Variants in ADK observed in about 807,000 individuals in gnomAD.
ADK encodes N6,N6-dimethyladenosine kinase.
ADK carries 24 observed loss-of-function variants against 44.7 expected under a neutral mutation model. The ratio of observed to expected loss-of-function variants is 0.54; its 90% CI spans 0.39 to 0.76. The LOEUF is 0.76. ADK is among the 30% of genes least tolerant of loss of function. The pLI is 0.00. For missense variants in ADK, 321 were observed against 425.1 expected (o/e 0.76, Z 2.15); for synonymous variants, 128 against 142.6 (o/e 0.90, Z 0.73).
At chr10:74,526,277 C>G (rs530840554) in intron 7 of ADK, among the ~76,000 whole-genome samples, 28 of 151,864 alleles carry the variant, frequency 1.8e-4, no homozygotes, top group African/African-American at 6.8e-4. Flanking sequence ...TTCTTTCTAC[C>G]AAGAATGTAT....
intron 9 of ADK, among the ~76,000 whole-genome samples, chr10:74,634,510 G>T (rs960331442): frequency 2.0e-4 from 30 of 152,236 alleles, no homozygotes; most frequent in Non-Finnish European, 3.8e-4. Context: ...ACCATGCCCG[G>T]CTGGCATTTT....
At chr10:74,649,212 C>CA (rs1453564129) in intron 9 of ADK, among the ~76,000 whole-genome samples, 4 of 151,086 alleles carry the variant, frequency 2.6e-5, no homozygotes, top group Non-Finnish European at 4.4e-5. Flanking sequence ...GACTCCATCT[C>CA]AAAAAACAAA....
At chr10:74,545,077 G>T (rs1849779089) in intron 7 of ADK, among the ~76,000 whole-genome samples, 1 of 151,986 alleles carries the variant, frequency 6.6e-6, no homozygotes, top group Non-Finnish European at 1.5e-5. Flanking sequence ...ACTTATGTCT[G>T]TGTTCAGGGT....
intron 1 of ADK, among the ~76,000 whole-genome samples, chr10:74,176,163 T>C (rs1375154471): frequency 3.3e-5 from 5 of 152,180 alleles, no homozygotes; most frequent in Admixed American, 1.3e-4. Flanking sequence ...AAAGTGACAC[T>C]TTCCATATTA....
intron 3 of ADK, among the ~76,000 whole-genome samples, chr10:74,283,650 A>G (rs965198300): frequency 1.6e-5 from 2 of 128,324 alleles, no homozygotes; most frequent in Middle Eastern, 3.8e-3. Flanking sequence ...TTTTTTTTTA[A>G]TGAGACGGAG....
intron 6 of ADK, among the ~76,000 whole-genome samples, chr10:74,409,454 A>G (rs1844085035): frequency 6.6e-6 from 1 of 152,226 alleles, no homozygotes; most frequent in East Asian, 1.9e-4. Context: ...TAAGTGAAAG[A>G]ATAATAAGTC....
chr10:74,309,843 C>T (rs1476650867), intron 3 of ADK, among the ~76,000 whole-genome samples: 1 of 151,858 alleles, frequency 6.6e-6, no homozygotes, highest in Non-Finnish European at 1.5e-5. Context: ...TAAGGACATC[C>T]CGTATTATAT....
At chr10:74,582,902 A>C (rs558639341) in intron 7 of ADK, among the ~76,000 whole-genome samples, 1 of 152,308 alleles carries the variant, frequency 6.6e-6, no homozygotes, top group East Asian at 1.9e-4. Flanking sequence ...AAGCTAGTAG[A>C]GATACTTTTG....
intron 3 of ADK, among the ~76,000 whole-genome samples, chr10:74,307,706 T>C (rs1477015326): frequency 6.6e-6 from 1 of 152,216 alleles, no homozygotes; most frequent in Non-Finnish European, 1.5e-5. Context: ...GCTTAACTAC[T>C]CTCTCTCCAT....
chr10:74,228,129 T>G (rs1034344919), intron 3 of ADK, among the ~76,000 whole-genome samples: 3 of 152,262 alleles, frequency 2.0e-5, no homozygotes, highest in Admixed American at 1.3e-4. Context: ...ATTTTGTGAT[T>G]CAGATTTCAT....
chr10:74,219,962 A>G (rs562913400), intron 2 of ADK, among the ~76,000 whole-genome samples: 2 of 146,678 alleles, frequency 1.4e-5, no homozygotes, highest in South Asian at 4.3e-4. Flanking sequence ...TAAAAGAACT[A>G]GAAAAGCAAG....
chr10:74,678,719 G>T (rs1371289524), intron 10 of ADK, among the ~76,000 whole-genome samples: 1 of 152,152 alleles, frequency 6.6e-6, no homozygotes, highest in South Asian at 2.1e-4. Context: ...TTATTTAGTT[G>T]CAGAGGTCCA....
intron 4 of ADK, among the ~76,000 whole-genome samples, chr10:74,377,630 A>G (rs1842855477): frequency 6.6e-6 from 1 of 152,174 alleles, no homozygotes; most frequent in African/African-American, 2.4e-5. Flanking sequence ...TTGCTTTGTA[A>G]GTTGGTCAGC....
chr10:74,309,833 T>G (rs1199387106), intron 3 of ADK, among the ~76,000 whole-genome samples: 1 of 152,176 alleles, frequency 6.6e-6, no homozygotes, highest in African/African-American at 2.4e-5. Flanking sequence ...ACAGTTAGTA[T>G]AAGGACATCC....
intron 3 of ADK, among the ~76,000 whole-genome samples, chr10:74,234,107 A>C (rs1020722980): frequency 7.2e-5 from 11 of 152,172 alleles, no homozygotes; most frequent in African/African-American, 2.7e-4. Context: ...TGCCAACACT[A>C]TTTCCCCTTA....
chr10:74,415,808 G>C (rs983097002), intron 6 of ADK, among the ~76,000 whole-genome samples: 3 of 152,022 alleles, frequency 2.0e-5, no homozygotes, highest in Admixed American at 6.5e-5. Context: ...AGTTTCAGTG[G>C]TATCTAGTTA....
intron 3 of ADK, among the ~76,000 whole-genome samples, chr10:74,314,308 T>G (rs773784906): frequency 1.6e-4 from 25 of 152,100 alleles, no homozygotes; most frequent in Non-Finnish European, 2.9e-4. Flanking sequence ...TTCTGTATGT[T>G]TGTAGTAACA....
chr10:74,556,706 G>T (rs1850260631), intron 7 of ADK, among the ~76,000 whole-genome samples: 1 of 152,178 alleles, frequency 6.6e-6, no homozygotes, highest in African/African-American at 2.4e-5. Flanking sequence ...CTCTGTTTTA[G>T]AATTTGAGGA....
intron 4 of ADK, among the ~76,000 whole-genome samples, chr10:74,325,278 G>GT (rs1840967113): frequency 6.6e-6 from 1 of 151,426 alleles, no homozygotes; most frequent in Admixed American, 6.6e-5. Flanking sequence ...CTTGATTTTT[G>GT]TTTTTTTCAG....
Sources: gnomAD v4.1 joint callset for allele counts (sites outside exome capture counted in the v4.1 genomes callset) on GRCh38, gnomAD v4.1.1 for gene constraint, MANE v1.5 for transcripts, NCBI Gene and HGNC (gene_info 2026-07-23, HGNC 2026-07-21) for gene names.